Variants in PRR16 observed in about 807,000 individuals in gnomAD.
PRR16 encodes the protein proline rich 16, also known as protein Largen.
In PRR16, 6 loss-of-function variants were observed where a neutral mutation model predicts 18.2. The observed-to-expected ratio is 0.33, with a 90% CI of 0.18 to 0.65. The LOEUF (loss-of-function observed/expected upper bound fraction) is 0.65, where lower values mean the gene tolerates loss of function less well. Ranked by LOEUF, PRR16 falls within the 30% of genes least tolerant of loss-of-function variation. The pLI is 0.74. For missense variants in PRR16, 412 were observed against 376.6 expected (o/e 1.09, Z -0.78); for synonymous variants, 151 against 147.8 (o/e 1.02, Z -0.16).
At chr5:120,744,122 T>A in the PRR16 span, among the ~76,000 whole-genome samples, 1 of 152,012 alleles carries the variant, frequency 6.6e-6, no homozygotes, top group Non-Finnish European at 1.5e-5. Context: ...AAGGCTTTAT[T>A]GTGATTTCAA....
intron 1 of PRR16, among the ~76,000 whole-genome samples, chr5:120,653,949 C>A (rs1438710728): frequency 1.3e-5 from 2 of 152,016 alleles, no homozygotes; most frequent in Non-Finnish European, 2.9e-5. Flanking sequence ...TGTTAATTGT[C>A]CCTTAACAAA....
the PRR16 span, among the ~76,000 whole-genome samples, chr5:120,753,878 T>TTTATATATTA: frequency 1.0e-5 from 1 of 96,990 alleles, no homozygotes. Context: ...TATTATATAT[T>TTTATATATTA]TATATATTAT....
the PRR16 span, among the ~76,000 whole-genome samples, chr5:120,736,537 CTTTTTTTTTT>C: frequency 9.3e-5 from 5 of 54,022 alleles, no homozygotes; most frequent in African/African-American, 3.9e-4. Context: ...AGTGTAAAGG[CTTTTTTTTTT>C]TTTTTTTTTT....
intron 1 of PRR16, among the ~76,000 whole-genome samples, chr5:120,485,299 T>C (rs1749757964): frequency 6.6e-6 from 1 of 152,208 alleles, no homozygotes. Context: ...TTTAAAATGT[T>C]TTGCATGATT....
At chr5:120,563,918 G>A (rs1752654228) in intron 1 of PRR16, among the ~76,000 whole-genome samples, 1 of 152,162 alleles carries the variant, frequency 6.6e-6, no homozygotes, top group African/African-American at 2.4e-5. Flanking sequence ...TACTAAACGG[G>A]TATTACTCCT....
intron 1 of PRR16, among the ~76,000 whole-genome samples, chr5:120,624,810 T>G (rs896906914): frequency 1.3e-5 from 2 of 152,118 alleles, no homozygotes; most frequent in African/African-American, 4.8e-5. Context: ...TTCCCACATG[T>G]TGTGGGAGGG....
the PRR16 span, among the ~76,000 whole-genome samples, chr5:120,704,702 C>G: frequency 6.6e-6 from 1 of 152,122 alleles, no homozygotes; most frequent in African/African-American, 2.4e-5. Context: ...ACAGTGCGCT[C>G]AGACATCAGT....
At chr5:120,704,144 G>T in the PRR16 span, among the ~76,000 whole-genome samples, 2 of 152,126 alleles carry the variant, frequency 1.3e-5, no homozygotes, top group African/African-American at 2.4e-5. Context: ...GTAGAAAACA[G>T]CTTTTTAAAA....
At chr5:120,784,724 C>T in the PRR16 span, among the ~76,000 whole-genome samples, 1 of 152,096 alleles carries the variant, frequency 6.6e-6, no homozygotes, top group Non-Finnish European at 1.5e-5. Context: ...AAACTTTTTT[C>T]CCAGGTCTCA....
chr5:120,655,737 G>GT (rs56306392), intron 1 of PRR16, among the ~76,000 whole-genome samples: 85,160 of 140,210 alleles, frequency 0.61, 25,183 homozygotes, highest in East Asian at 0.89. Context: ...TTTTTTTTTT[G>GT]TTTTTTTTTT....
At chr5:120,778,973 AAGG>A in the PRR16 span, among the ~76,000 whole-genome samples, 5 of 152,212 alleles carry the variant, frequency 3.3e-5, no homozygotes, top group African/African-American at 1.2e-4. Context: ...ATGTTTAAAC[AAGG>A]AGGAGGGAGA....
intron 1 of PRR16, among the ~76,000 whole-genome samples, chr5:120,485,920 A>G (rs1374353228): frequency 1.3e-5 from 2 of 151,968 alleles, no homozygotes; most frequent in Non-Finnish European, 2.9e-5. Flanking sequence ...TGTCCTTGTG[A>G]TAGTTTGCTG....
At chr5:120,614,019 C>A (rs570495325) in intron 1 of PRR16, among the ~76,000 whole-genome samples, 1 of 152,296 alleles carries the variant, frequency 6.6e-6, no homozygotes, top group African/African-American at 2.4e-5. Context: ...AAAGCATTTT[C>A]ACACACACAG....
chr5:120,478,934 T>C (rs112415600), intron 1 of PRR16, among the ~76,000 whole-genome samples: 2 of 152,176 alleles, frequency 1.3e-5, no homozygotes, highest in African/African-American at 4.8e-5. Context: ...ATATTGGATA[T>C]AGTTTAAGTA....
At chr5:120,552,808 A>G (rs1365608055) in intron 1 of PRR16, among the ~76,000 whole-genome samples, 3 of 151,918 alleles carry the variant, frequency 2.0e-5, no homozygotes, top group Admixed American at 1.3e-4. Context: ...TTTTGTTTCA[A>G]TAATGTGTCA....
At chr5:120,781,204 A>G in the PRR16 span, 1 of 152,140 alleles carries the variant, frequency 6.6e-6, no homozygotes, top group Non-Finnish European at 1.5e-5. Flanking sequence ...ATTCTTTTCT[A>G]TCCGCTTTCT....
intron 1 of PRR16, among the ~76,000 whole-genome samples, chr5:120,581,716 G>A (rs563309949): frequency 3.9e-5 from 6 of 151,948 alleles, no homozygotes; most frequent in Non-Finnish European, 5.9e-5. Flanking sequence ...CTGGTATGTT[G>A]TCTCTTTGTT....
At chr5:120,585,426 A>G (rs143625188) in intron 1 of PRR16, among the ~76,000 whole-genome samples, 18 of 152,166 alleles carry the variant, frequency 1.2e-4, no homozygotes, top group Non-Finnish European at 2.5e-4. Context: ...CCTGGCCAAC[A>G]TGGTGAAACC....
At chr5:120,791,612 T>A in the PRR16 span, among the ~76,000 whole-genome samples, 105 of 81,662 alleles carry the variant, frequency 1.3e-3, no homozygotes, top group African/African-American at 3.5e-3. Context: ...TCTATCTATC[T>A]ATCTATCTAT....
Sources: gnomAD v4.1 joint callset for allele counts (sites outside exome capture counted in the v4.1 genomes callset) on GRCh38, gnomAD v4.1.1 for gene constraint, MANE v1.5 for transcripts, NCBI Gene and HGNC (gene_info 2026-07-23, HGNC 2026-07-21) for gene names.